The following CNTNAP2 variants were observed in gnomAD, a reference collection of about 807,000 sequenced individuals.
CNTNAP2 encodes contactin associated protein 2, also known as contactin-associated protein-like 2.
CNTNAP2 carries 98 observed loss-of-function variants against 155.2 expected under a neutral mutation model. The ratio of observed to expected loss-of-function variants is 0.63; its 90% confidence interval spans 0.54 to 0.75. CNTNAP2 has a LOEUF of 0.75. Among genes scored for constraint, CNTNAP2 ranks in the 30% least tolerant of loss-of-function variants. The pLI, the probability that CNTNAP2 is intolerant of heterozygous loss-of-function variation, is 0.00. For missense variants in CNTNAP2, 1,727 were observed against 1,688.1 expected (o/e 1.02, Z -0.40); for synonymous variants, 651 against 631.2 (o/e 1.03, Z -0.47).
At chr7:148,348,857 C>T (rs1400859046) in intron 21 of CNTNAP2, among the ~76,000 whole-genome samples, 3 of 152,164 alleles carry the variant, frequency 2.0e-5, no homozygotes, top group Non-Finnish European at 4.4e-5. Flanking sequence ...TTCTTCTGAC[C>T]TATATTAGTA....
At chr7:147,723,214 A>G (rs573322529) in intron 13 of CNTNAP2, among the ~76,000 whole-genome samples, 18 of 152,084 alleles carry the variant, frequency 1.2e-4, no homozygotes, top group Non-Finnish European at 2.4e-4. Context: ...AGATATTTCA[A>G]AGTAAACCTG....
intron 1 of CNTNAP2, among the ~76,000 whole-genome samples, chr7:146,486,942 C>T (rs1404191135): frequency 6.6e-6 from 1 of 152,164 alleles, no homozygotes. Context: ...ACTGTAACTT[C>T]ACTCTGTGAC....
chr7:146,123,854 G>A (rs1449156104), intron 1 of CNTNAP2, among the ~76,000 whole-genome samples: 2 of 152,044 alleles, frequency 1.3e-5, no homozygotes, highest in Non-Finnish European at 2.9e-5. Flanking sequence ...CAACCCAAAT[G>A]CCCATCAGTA....
At chr7:147,010,356 T>A (rs189422226) in intron 3 of CNTNAP2, among the ~76,000 whole-genome samples, 28 of 152,052 alleles carry the variant, frequency 1.8e-4, no homozygotes, top group Admixed American at 1.5e-3. Flanking sequence ...GATTATGCCT[T>A]CTTGAAAAAA....
At chr7:148,232,953 T>C (rs972198083) in intron 20 of CNTNAP2, among the ~76,000 whole-genome samples, 1 of 152,178 alleles carries the variant, frequency 6.6e-6, no homozygotes, top group Non-Finnish European at 1.5e-5. Context: ...GTACCCAGTC[T>C]CCACATAGAT....
intron 13 of CNTNAP2, among the ~76,000 whole-genome samples, chr7:147,745,763 G>A (rs758514575): frequency 2.0e-5 from 3 of 152,180 alleles, no homozygotes; most frequent in Admixed American, 6.5e-5. Context: ...CATCTGTAAC[G>A]TAAAGGAGGT....
intron 11 of CNTNAP2, among the ~76,000 whole-genome samples, chr7:147,541,511 C>G (rs962521590): frequency 2.0e-5 from 3 of 152,114 alleles, no homozygotes; most frequent in African/African-American, 7.2e-5. Flanking sequence ...ACATGCTCTC[C>G]GAGGTCTTCT....
At position 146,374,612 on chromosome 7, in the gene CNTNAP2, A is replaced by G. The variant is rs146315165; in HGVS notation, c.97+257639A>G. ...TGGAACCTTTTTAATTGACACTGACAATGAAAGCAAATCTTCTGGGCTGCT... is the reference window on the plus strand; with the variant it reads ...TGGAACCTTTTTAATTGACACTGACGATGAAAGCAAATCTTCTGGGCTGCT... On this transcript the variant is annotated intron_variant, in intron 1 of 23. Coordinates refer to ENST00000361727, the MANE Select transcript of CNTNAP2 (RefSeq NM_014141.6). Among the ~76,000 whole-genome samples, 1,468 of 152,300 alleles carry G rather than the reference A, an allele frequency of 9.6e-3. 24 individuals are homozygous for G. The highest frequency in any genetic ancestry group is 0.033 in the African/African-American group (1,351 of 41,566).
intron 15 of CNTNAP2, among the ~76,000 whole-genome samples, chr7:148,112,569 T>C (rs1211229331): frequency 6.6e-6 from 1 of 150,590 alleles, no homozygotes; most frequent in African/African-American, 2.5e-5. Flanking sequence ...TACACAGCTA[T>C]TTTTTTTCAG....
intron 1 of CNTNAP2, among the ~76,000 whole-genome samples, chr7:146,269,826 A>G (rs1293293960): frequency 6.6e-6 from 1 of 152,212 alleles, no homozygotes; most frequent in African/African-American, 2.4e-5. Context: ...AATTGGCTTC[A>G]TATTATGAAG....
At chr7:146,912,957 C>T (rs1304803863) in intron 3 of CNTNAP2, among the ~76,000 whole-genome samples, 1 of 152,208 alleles carries the variant, frequency 6.6e-6, no homozygotes, top group African/African-American at 2.4e-5. Flanking sequence ...TGCTCCCTTC[C>T]TTTGTTGATT....
At chr7:147,916,953 T>C (rs1800173191) in intron 14 of CNTNAP2, among the ~76,000 whole-genome samples, 2 of 152,212 alleles carry the variant, frequency 1.3e-5, no homozygotes, top group Admixed American at 6.5e-5. Flanking sequence ...CATTGCCTTA[T>C]GTATTATCAG....
intron 14 of CNTNAP2, among the ~76,000 whole-genome samples, chr7:147,916,359 C>T (rs963041709): frequency 7.2e-5 from 11 of 151,982 alleles, no homozygotes; most frequent in Admixed American, 1.3e-4. Flanking sequence ...AATTGGGCAC[C>T]GGAGAAGATG....
At chr7:148,262,162 G>A (rs1385633769) in intron 20 of CNTNAP2, among the ~76,000 whole-genome samples, 1 of 152,094 alleles carries the variant, frequency 6.6e-6, no homozygotes, top group Non-Finnish European at 1.5e-5. Flanking sequence ...CAAGGAAGCA[G>A]GTGTCTCTAA....
chr7:148,129,515 G>T (rs1458315082), intron 16 of CNTNAP2, among the ~76,000 whole-genome samples: 4 of 152,132 alleles, frequency 2.6e-5, no homozygotes, highest in Admixed American at 2.6e-4. Flanking sequence ...AATGTATCCA[G>T]CTGTGCATTA....
intron 1 of CNTNAP2, among the ~76,000 whole-genome samples, chr7:146,543,485 C>T (rs1797984220): frequency 1.3e-5 from 2 of 151,962 alleles, no homozygotes; most frequent in East Asian, 1.9e-4. Context: ...TCTTGACCTT[C>T]ATGTGAGTGA....
intron 13 of CNTNAP2, among the ~76,000 whole-genome samples, chr7:147,662,315 A>T (rs1376324106): frequency 6.6e-6 from 1 of 152,228 alleles, no homozygotes; most frequent in Non-Finnish European, 1.5e-5. Flanking sequence ...TTCAGGAATC[A>T]TTTAGACTAT....
intron 3 of CNTNAP2, among the ~76,000 whole-genome samples, chr7:146,960,465 GT>G (rs146974243): frequency 0.012 from 1,897 of 152,200 alleles, 42 homozygotes; most frequent in African/African-American, 0.043. Flanking sequence ...ATGACCTGCA[GT>G]TTTTCTTTTT....
intron 15 of CNTNAP2, among the ~76,000 whole-genome samples, chr7:148,057,336 G>A (rs1803037852): frequency 6.6e-6 from 1 of 152,132 alleles, no homozygotes; most frequent in Non-Finnish European, 1.5e-5. Context: ...TGGATAGTCT[G>A]CGTGTGGATA....
Sources: allele counts gnomAD v4.1 joint callset (sites outside exome capture counted in the v4.1 genomes callset), GRCh38; gene constraint gnomAD v4.1.1; transcripts MANE v1.5; gene names NCBI Gene and HGNC (gene_info 2026-07-23, HGNC 2026-07-21).